Variants in CBX1 observed in about 807,000 individuals in gnomAD.
CBX1 encodes chromobox 1.
A neutral mutation model predicts 25.1 loss-of-function variants in CBX1; 10 were observed. That is an observed-to-expected ratio of 0.40 (90% CI 0.25 to 0.68). The LOEUF (loss-of-function observed/expected upper bound fraction) is 0.68, where lower values mean the gene tolerates loss of function less well. Ranked by LOEUF, CBX1 falls within the 30% of genes least tolerant of loss-of-function variation. CBX1 has a pLI of 0.40. For synonymous variants in CBX1, 63 were observed against 79.4 expected, an observed-to-expected ratio of 0.79 and a Z score of 1.10; for missense variants, 106 against 218.5, an observed-to-expected ratio of 0.49 and a Z score of 3.25.
At chr17:48,090,039 G>A (rs2063336218) in intron 1 of CBX1, among the ~76,000 whole-genome samples, 1 of 151,070 alleles carries the variant, frequency 6.6e-6, no homozygotes, top group African/African-American at 2.4e-5. Flanking sequence ...TCCTGCCTCA[G>A]CCTTCCAGGG....
At chr17:48,091,977 C>A (rs1476610170) in intron 1 of CBX1, among the ~76,000 whole-genome samples, 6 of 143,314 alleles carry the variant, frequency 4.2e-5, no homozygotes, top group African/African-American at 1.3e-4. Flanking sequence ...CCATGCCCAG[C>A]CAGATCTTTT....
chr17:48,083,502 T>G (rs1389841237), intron 1 of CBX1, among the ~76,000 whole-genome samples: 1 of 150,594 alleles, frequency 6.6e-6, no homozygotes, highest in African/African-American at 2.5e-5. Flanking sequence ...CTTGTCTTTT[T>G]CCTATTTTTC....
intron 1 of CBX1, among the ~76,000 whole-genome samples, chr17:48,083,046 A>G (rs2037754374): frequency 6.7e-6 from 1 of 149,296 alleles, no homozygotes; most frequent in South Asian, 2.1e-4. Context: ...TTGTATCTTT[A>G]GTAGAGACAG....
At chr17:48,074,631 C>T (rs571163954) in intron 4 of CBX1, among the ~76,000 whole-genome samples, 1 of 152,270 alleles carries the variant, frequency 6.6e-6, no homozygotes, top group South Asian at 2.1e-4. Context: ...GAGAATTTAG[C>T]AGAATTTCTG....
At chr17:48,075,962 G>C (rs1222172430) in intron 3 of CBX1, 39 bp downstream of exon 3, 2 of 1,459,450 alleles carry the variant, frequency 1.4e-6, no homozygotes, top group Non-Finnish European at 1.9e-6. Context: ...ACAGTAGTTT[G>C]AATTGTGGGC....
intron 4 of CBX1, among the ~76,000 whole-genome samples, chr17:48,074,172 G>A (rs1362055474): frequency 2.0e-5 from 3 of 152,168 alleles, no homozygotes; most frequent in African/African-American, 7.2e-5. Flanking sequence ...GTACAGACAC[G>A]AGTTTCAGAG....
rs1318623336 is a variant in CBX1 at position 48,071,456 on chromosome 17, GTCA to G, written c.534_536del (p.Asp179del). The G allele has an allele frequency of 2.5e-6, 4 of 1,609,806 alleles. No individual in the cohort carries two copies. The highest frequency in any genetic ancestry group is 1.7e-5 in the Admixed American group (1 of 59,082). ...AGCGTTAGTTCTTGTCATCTTTTTT[GTCA>G]TCATCCTCCGAGGGGTAGGAATGCC... On this transcript the variant is annotated inframe_deletion, in exon 5 of 5. Transcript: ENST00000225603.
At chr17:48,086,616 G>C (rs981574824) in intron 1 of CBX1, among the ~76,000 whole-genome samples, 1 of 152,332 alleles carries the variant, frequency 6.6e-6, no homozygotes, top group African/African-American at 2.4e-5. Context: ...AGCACTTTGG[G>C]AGGCTGAGGC....
intron 1 of CBX1, chr17:48,100,647 C>T (rs1447443154): frequency 1.2e-6 from 1 of 850,014 alleles, no homozygotes; most frequent in Non-Finnish European, 1.4e-6. Flanking sequence ...CCTACTTATC[C>T]TAACAGCTCC....
In CBX1 at chr17:48,077,565, C is replaced by T. The variant is rs555657289; in HGVS notation, c.-37-524G>A. Among the ~76,000 whole-genome samples the T allele has an allele frequency of 4.0e-5, 6 of 150,472 alleles. No homozygotes were observed. In the East Asian group the frequency reaches 1.0e-3, roughly 25 times the overall value. Reference sequence around the variant, plus strand: ...TCGGCCTCCCAAAGTGTTGGAATTACAGGCATGAGCCACCACGCCTGGCCT... The same window carrying T: ...TCGGCCTCCCAAAGTGTTGGAATTATAGGCATGAGCCACCACGCCTGGCCT... On this transcript the variant is annotated intron_variant, in intron 1 of 4. Coordinates refer to ENST00000225603, the MANE Select transcript of CBX1 (RefSeq NM_001127228.2).
chr17:48,077,147 T>C, intron 1 of CBX1, 106 bp from the exon 2 acceptor site: 1 of 847,748 alleles, frequency 1.2e-6, no homozygotes, highest in Non-Finnish European at 1.8e-6. Flanking sequence ...TAATATTGTA[T>C]GCTGCTTATA....
intron 1 of CBX1, among the ~76,000 whole-genome samples, chr17:48,090,882 C>CA (rs1162364278): frequency 6.6e-6 from 1 of 152,220 alleles, no homozygotes; most frequent in African/African-American, 2.4e-5. Flanking sequence ...GTAGACAAGA[C>CA]AGACAAAATC....
intron 1 of CBX1, among the ~76,000 whole-genome samples, chr17:48,077,452 TTG>T (rs200337240): frequency 5.0e-5 from 6 of 120,374 alleles, no homozygotes; most frequent in Admixed American, 8.0e-5. Flanking sequence ...TTTGTTTTTT[TTG>T]TTTTTTTTTT....
chr17:48,101,070 C>T (rs559085084), intron 1 of CBX1, 198 bp downstream of exon 1: 6 of 986,110 alleles, frequency 6.1e-6, no homozygotes, highest in East Asian at 2.3e-4. Flanking sequence ...CCCTCTCCAT[C>T]CTTCACGCAG....
intron 1 of CBX1, among the ~76,000 whole-genome samples, chr17:48,097,026 G>C (rs1315695750): frequency 6.6e-6 from 1 of 151,882 alleles, no homozygotes; most frequent in Non-Finnish European, 1.5e-5. Context: ...AAGGAGGGTG[G>C]ATCACCTGAG....
At chr17:48,094,203 G>A (rs914770137) in intron 1 of CBX1, among the ~76,000 whole-genome samples, 4 of 151,610 alleles carry the variant, frequency 2.6e-5, no homozygotes, top group African/African-American at 9.7e-5. Context: ...GGAGGCCAAG[G>A]CAGGTGGATC....
intron 1 of CBX1, among the ~76,000 whole-genome samples, chr17:48,084,499 G>C (rs2037769498): frequency 6.7e-6 from 1 of 149,430 alleles, no homozygotes; most frequent in African/African-American, 2.6e-5. Context: ...GTGAGCCACT[G>C]TGCCGGGCGC....
At chr17:48,094,045 C>T (rs2063358773) in intron 1 of CBX1, among the ~76,000 whole-genome samples, 2 of 130,578 alleles carry the variant, frequency 1.5e-5, no homozygotes, top group Non-Finnish European at 3.1e-5. Context: ...ACCTGGGAGG[C>T]GGAAGTTGCG....
intron 1 of CBX1, among the ~76,000 whole-genome samples, chr17:48,078,484 G>T (rs1292932280): frequency 6.6e-6 from 1 of 151,952 alleles, no homozygotes; most frequent in Non-Finnish European, 1.5e-5. Context: ...GAGCCACCAT[G>T]CCCAGTCTGT....
Sources: allele counts gnomAD v4.1 joint callset (sites outside exome capture counted in the v4.1 genomes callset), GRCh38; gene constraint gnomAD v4.1.1; transcripts MANE v1.5; gene names NCBI Gene and HGNC (gene_info 2026-07-23, HGNC 2026-07-21).